The following COL8A2 variants were observed in gnomAD, a reference collection of about 807,000 sequenced individuals.
COL8A2 encodes the protein collagen alpha-2(VIII) chain.
COL8A2 carries 16 observed loss-of-function variants against 24.0 expected under a neutral mutation model. The observed-to-expected ratio is 0.67, with a 90% CI of 0.45 to 1.01. The LOEUF is 1.01. Among genes scored for constraint, COL8A2 ranks in the 50% least tolerant of loss-of-function variants. The probability of loss-of-function intolerance (pLI) is 0.00; values close to 1 mark genes in which losing one functional copy is unlikely to be tolerated. For missense variants in COL8A2, 818 were observed against 942.4 expected, an observed-to-expected ratio of 0.87 and a Z score of 1.73; for synonymous variants, 466 against 424.5, an observed-to-expected ratio of 1.10 and a Z score of -1.20.
At chr1:36,119,086 C>T (rs1643892797) in intron 1 of COL8A2, among the ~76,000 whole-genome samples, 1 of 152,082 alleles carries the variant, frequency 6.6e-6, no homozygotes, top group Non-Finnish European at 1.5e-5. Flanking sequence ...AGGAAGAGTG[C>T]TAGGTCCCAG....
At chr1:36,120,765 TAG>T (rs1234289891) in intron 1 of COL8A2, among the ~76,000 whole-genome samples, 8 of 78,268 alleles carry the variant, frequency 1.0e-4, no homozygotes, top group Admixed American at 5.5e-4. Context: ...AAAAAAAAAA[TAG>T]AGAGAGAGAG....
Position 36,098,690 on chromosome 1 carries a change from C to T in COL8A2, c.991G>A (p.Gly331Arg). 2 of 1,609,546 alleles carry T rather than the reference C, an allele frequency of 1.2e-6. No individual in the cohort carries two copies. The highest frequency in any genetic ancestry group is 1.7e-6 in the Non-Finnish European group (2 of 1,178,786). ...PGPKGDRGPA[G>R]VPGLLGDRGE... is the part of the protein sequence containing the mutation. ...CTGTCCCCCAAGAGTCCTGGGACCC[C>T]AGCTGGGCCCCTGTCCCCCTTGGGG... The change falls in exon 4 of 4, where the codon GGG becomes AGG. Residue 331 changes from glycine to arginine, a missense_variant. This residue lies in a region of COL8A2 where 573 missense variants were observed against 616.8 expected (regional missense o/e 0.93). Coordinates refer to ENST00000397799, the MANE Select transcript of COL8A2 (RefSeq NM_005202.4).
At chr1:36,116,146 GC>G (rs1643877977) in intron 1 of COL8A2, among the ~76,000 whole-genome samples, 4 of 151,428 alleles carry the variant, frequency 2.6e-5, no homozygotes, top group Admixed American at 2.6e-4. Context: ...ACCAGTGCCT[GC>G]CCCGGGCTTC....
chr1:36,105,280 A>G (rs1295994320), intron 2 of COL8A2, among the ~76,000 whole-genome samples: 1 of 152,216 alleles, frequency 6.6e-6, no homozygotes, highest in Non-Finnish European at 1.5e-5. Context: ...CCTGAGCTTC[A>G]GTATCATAGC....
intron 1 of COL8A2, among the ~76,000 whole-genome samples, chr1:36,120,219 T>C (rs566186577): frequency 2.2e-4 from 34 of 152,226 alleles, no homozygotes; most frequent in African/African-American, 8.2e-4. Context: ...TTTGGGAGGC[T>C]CAGGCGGGCG....
rs767935704 is a variant in COL8A2 at position 36,099,276 on chromosome 1, C to A, written c.405G>T (p.Gly135=). 6.4e-7 allele frequency: 1 copy of A among 1,554,278 alleles called. No homozygotes were observed. The highest frequency in any genetic ancestry group is 1.9e-5 in the Admixed American group (1 of 51,432). The change falls in exon 4 of 4, where the codon GGG becomes GGT. Residue 135 remains glycine, a synonymous_variant. Transcript: ENST00000397799. ...AGPPGLPGKV[G]PPGQPGLRGE... is the part of the protein sequence containing the mutation. ...CCCGAAGCCCCGGCTGCCCTGGTGG[C>A]CCGACCTTGCCAGGGAGCCCTGGGG... is the stretch of plus-strand genomic sequence containing the variant.
chr1:36,099,224 C>A lies in COL8A2; in HGVS notation c.457G>T (p.Gly153Cys), dbSNP rs1180905747. ...RGEPGIRGDQ[G>C]LRGPPGPPGL... ...GGGGGTCCTGGGGGTCCCCGGAGGCCCTGGTCCCCTCGTATTCCTGGCTCC... is the reference window on the plus strand; with the variant it reads ...GGGGGTCCTGGGGGTCCCCGGAGGCACTGGTCCCCTCGTATTCCTGGCTCC... Residue 153 changes from glycine (G) to cysteine (C), a missense_variant, in exon 4 of 4, where the codon GGC (glycine) becomes TGC (cysteine). Gly to Cys is a radical substitution (Grantham distance 159). Transcript: ENST00000397799. 6.5e-7 allele frequency: 1 copy of A among 1,544,542 alleles called. No individual in the cohort carries two copies. Among genetic ancestry groups the A allele is most frequent in the Admixed American group, 2.0e-5 (1 of 49,936 alleles).
rs374239481 is a variant in COL8A2, at chr1:36,097,617, C to G, written c.2064G>C (p.Thr688=). 1.2e-6 allele frequency: 2 copies of G among 1,613,246 alleles called. No individual in the cohort carries two copies. Among genetic ancestry groups the G allele is most frequent in the Non-Finnish European group, 1.7e-6 (2 of 1,179,868 alleles). Residue 688 remains threonine (T), a synonymous_variant, in exon 4 of 4, where the codon ACG becomes ACC. Coordinates refer to ENST00000397799, the MANE Select transcript of COL8A2 (RefSeq NM_005202.4). ...CTGAAAAGGAGGAGTGGATGTACTC[C>G]GTGGAGTAGAGGCCGTTGGCCTGGT... ...PSDQANGLYS[T]EYIHSSFSGF...
intron 2 of COL8A2, among the ~76,000 whole-genome samples, chr1:36,108,289 C>T (rs1331931045): frequency 6.6e-6 from 1 of 152,178 alleles, no homozygotes; most frequent in Non-Finnish European, 1.5e-5. Context: ...CTGTGTGTTC[C>T]TTGCTCTCCC....
rs765486403 is a variant in COL8A2, at chr1:36,115,607, G to T, written c.-17+101C>A. 4.7e-6 allele frequency: 3 copies of T among 642,440 alleles called. No homozygotes were observed. Among genetic ancestry groups the T allele is most frequent in the Non-Finnish European group, 5.8e-6 (3 of 516,586 alleles). The allele number at this position is 642,440 out of a possible 1,614,324, so 39.8% of individuals were successfully genotyped here. ...TCACAGGACTCTCTGGGCCTGGGAG[G>T]GGCTTCCGGTGCAGCAGGAGGGAGT... is the stretch of plus-strand genomic sequence containing the variant. On this transcript the variant is annotated intron_variant, in intron 2 of 3. Transcript: ENST00000397799. The surrounding 1 kb of genome is among the most constrained non-coding windows in gnomAD (Gnocchi z 5.7).
At chr1:36,121,752 G>A (rs1442792963) in intron 1 of COL8A2, among the ~76,000 whole-genome samples, 2 of 151,776 alleles carry the variant, frequency 1.3e-5, no homozygotes, top group African/African-American at 4.8e-5. Context: ...ACAAAACCCA[G>A]TAAGGTTCCC....
At chr1:36,110,739 G>C (rs2124096052) in intron 2 of COL8A2, among the ~76,000 whole-genome samples, 1 of 152,312 alleles carries the variant, frequency 6.6e-6, no homozygotes, top group East Asian at 1.9e-4. Flanking sequence ...TGATCCACCT[G>C]CCTCGGCCTC....
At position 36,098,336 on chromosome 1, in the gene COL8A2, C is replaced by T. The variant is rs1443343231; in HGVS notation, c.1345G>A (p.Asp449Asn). ...GVAGALGQKG[D>N]LGLPGQPGLR... The stretch of plus-strand genomic sequence containing the variant: ...CCAGGCTGCCCAGGGAGCCCCAAGT[C>T]ACCTTTCTGCCCCAGGGCTCCTGCC... Residue 449 changes from aspartate to asparagine, a missense_variant, in exon 4 of 4, where the codon GAC (aspartate) becomes AAC (asparagine). Around this residue, in one of 3 missense-constraint regions of COL8A2, gnomAD observed 573 missense variants for 616.8 expected, o/e 0.93. Coordinates refer to ENST00000397799, the MANE Select transcript of COL8A2 (RefSeq NM_005202.4). The T allele has an allele frequency of 6.4e-7, 1 of 1,550,474 alleles. No individual in the cohort carries two copies. The highest frequency in any genetic ancestry group is 8.7e-7 in the Non-Finnish European group (1 of 1,147,638).
chr1:36,100,111 G>GTCCTTTCTGC lies in COL8A2; in HGVS notation c.131_132insGCAGAAAGGA (p.Ile44MetfsTer18). 6.2e-7 allele frequency: 1 copy of GTCCTTTCTGC among 1,613,106 alleles called. No homozygotes were observed. The highest frequency in any genetic ancestry group is 8.5e-7 in the Non-Finnish European group (1 of 1,179,460). On this transcript the variant is annotated frameshift_variant, in exon 3 of 4. Transcript: ENST00000397799. LOFTEE classifies it high-confidence loss of function. ...CCACAGGTCCTTTCTGCATGGGCTG[G>GTCCTTTCTGC]ATGTACTTCACTGGGGCATAGCCCG...
At position 36,095,777 on chromosome 1, in the gene COL8A2, G is replaced by A. The variant is rs1336640157; in HGVS notation, c.*1792C>T. ...GTGGCTTTGACCTAGGGAAGAAGAG[G>A]TTGAGCGAAGAACCCCCACCAGGTA... On this transcript the variant is annotated 3_prime_UTR_variant, in exon 4 of 4. Transcript: ENST00000397799. 6.6e-6 allele frequency: 1 copy of A among 152,206 alleles called. No homozygotes were observed. The highest frequency in any genetic ancestry group is 1.9e-4 in the East Asian group (1 of 5,204). 9.4% of individuals were successfully genotyped at this position (152,206 alleles called of 1,614,324 possible).
chr1:36,099,366 T>C lies in COL8A2; in HGVS notation c.315A>G (p.Pro105=). ...CAGGGCCAGGCTGCCCATGGAGTCC[T>C]GGCTTTCCCATGCCTGGTTTTCCTG... ...GFPGKPGMGK[P]GLHGQPGPAG... Residue 105 remains proline (P), a synonymous_variant, in exon 4 of 4, where the codon CCA becomes CCG. Coordinates refer to ENST00000397799, the MANE Select transcript of COL8A2 (RefSeq NM_005202.4). 1 of 1,577,176 alleles carries C rather than the reference T, an allele frequency of 6.3e-7. No individual in the cohort carries two copies. Among genetic ancestry groups the C allele is most frequent in the South Asian group, 1.2e-5 (1 of 86,684 alleles).
At chr1:36,119,032 C>T (rs1643892568) in intron 1 of COL8A2, among the ~76,000 whole-genome samples, 1 of 152,156 alleles carries the variant, frequency 6.6e-6, no homozygotes, top group South Asian at 2.1e-4. Context: ...GCATTATTTA[C>T]TCCCGTAACC....
intron 1 of COL8A2, among the ~76,000 whole-genome samples, chr1:36,124,129 T>C (rs985988998): frequency 1.1e-4 from 16 of 152,232 alleles, no homozygotes; most frequent in African/African-American, 3.6e-4. Flanking sequence ...GCTGCCAGCC[T>C]GAGCAAGAGG....
At chr1:36,112,249 C>A (rs895944274) in intron 2 of COL8A2, among the ~76,000 whole-genome samples, 1 of 152,010 alleles carries the variant, frequency 6.6e-6, no homozygotes, top group South Asian at 2.1e-4. Flanking sequence ...ATGATCCGCC[C>A]GCCTCGGCCT....
Sources: gnomAD v4.1 joint callset for allele counts (sites outside exome capture counted in the v4.1 genomes callset) on GRCh38, gnomAD v4.1.1 for gene constraint, gnomAD v4.1.1 regional missense constraint, Gnocchi (gnomAD v3.1) non-coding constraint, MANE v1.5 for transcripts, NCBI Gene and HGNC (gene_info 2026-07-23, HGNC 2026-07-21) for gene names.